The following JAK2 variants were observed in gnomAD, a reference collection of about 807,000 sequenced individuals.
JAK2 encodes the protein Janus kinase 2.
Under a neutral mutation model 139.3 loss-of-function variants are expected in JAK2, and 86 were observed. The observed-to-expected ratio is 0.62, with a 90% confidence interval of 0.52 to 0.74. The LOEUF (loss-of-function observed/expected upper bound fraction) is 0.74. JAK2 is among the 30% of genes least tolerant of loss of function. The probability of loss-of-function intolerance (pLI) is 0.00; values close to 1 mark genes in which losing one functional copy is unlikely to be tolerated. For synonymous variants in JAK2, 490 were observed against 437.7 expected (o/e 1.12, Z -1.49); for missense variants, 1,421 against 1,360.3 (o/e 1.04, Z -0.70).
At position 5,080,364 on chromosome 9, in the gene JAK2, C is replaced by T. The variant is rs1819602213; in HGVS notation, c.2267C>T (p.Ala756Val). 6.2e-7 allele frequency: 1 copy of T among 1,612,286 alleles called. No homozygotes were observed. Among genetic ancestry groups the T allele is most frequent in the Non-Finnish European group, 8.5e-7 (1 of 1,179,084 alleles). ...ICSGGDKPLS[A>V]LDSQRKLQFY... ...AGTGGAGGAGATAAACCTCTAAGTG[C>T]TCTGGATTCTCAAAGAGTAAGTTTA... is the stretch of plus-strand genomic sequence containing the variant. Residue 756 changes from alanine to valine, a missense_variant, in exon 17 of 25, where the codon GCT becomes GTT. By Grantham distance (64) the Ala-to-Val change is moderately conservative. Transcript: ENST00000381652.
At chr9:5,050,325 T>G (rs2130374547) in intron 5 of JAK2, among the ~76,000 whole-genome samples, 1 of 152,320 alleles carries the variant, frequency 6.6e-6, no homozygotes, top group Middle Eastern at 3.4e-3. Context: ...AGACTGGGTC[T>G]TGGTCTGTTA....
chr9:5,016,186 G>C (rs1822047261), intron 2 of JAK2, among the ~76,000 whole-genome samples: 1 of 152,208 alleles, frequency 6.6e-6, no homozygotes, highest in African/African-American at 2.4e-5. Flanking sequence ...GCAAGCTTAG[G>C]AAGATGAGAT....
intron 2 of JAK2, among the ~76,000 whole-genome samples, chr9:5,021,640 T>C (rs1822436214): frequency 6.6e-6 from 1 of 152,192 alleles, no homozygotes; most frequent in Non-Finnish European, 1.5e-5. Flanking sequence ...TATGTATTCA[T>C]TTTTGAGACA....
chr9:5,127,746 T>C lies in JAK2; in HGVS notation c.*955T>C, dbSNP rs1824091782. On this transcript the variant is annotated 3_prime_UTR_variant, in exon 25 of 25. Coordinates refer to ENST00000381652, the MANE Select transcript of JAK2 (RefSeq NM_004972.4). ...AGCTTAAGCCATAAAATAGATTAGA[T>C]TGTTTTTTAAAAATGGATAGCTCAT... is the stretch of plus-strand genomic sequence containing the variant. 2 of 232,534 alleles carry C rather than the reference T, an allele frequency of 8.6e-6. No homozygotes were observed. The highest frequency in any genetic ancestry group is 2.2e-5 in the African/African-American group (1 of 45,286). The allele number at this position is 232,534 out of a possible 1,614,324, so 14.4% of individuals were successfully genotyped here. A position where few individuals can be genotyped will look rare whatever the true frequency, so the allele number is the denominator to read the frequency against.
intron 19 of JAK2, among the ~76,000 whole-genome samples, 189 bp downstream of exon 19, chr9:5,082,050 C>G (rs1469431065): frequency 1.3e-5 from 2 of 152,280 alleles, no homozygotes; most frequent in East Asian, 3.9e-4. Context: ...GGGGGCCAGC[C>G]CCTCCACACC....
chr9:5,113,033 G>C (rs1822771333), intron 22 of JAK2, among the ~76,000 whole-genome samples: 1 of 152,016 alleles, frequency 6.6e-6, no homozygotes, highest in Non-Finnish European at 1.5e-5. Flanking sequence ...ATGGGGGTGA[G>C]GAAGGTGACG....
intron 22 of JAK2, chr9:5,112,483 G>A: frequency 1.8e-6 from 1 of 555,930 alleles, no homozygotes; most frequent in Non-Finnish European, 3.3e-6. Flanking sequence ...GACCAGCCCA[G>A]ACAAGGACGA....
At chr9:5,085,555 A>G (rs984485132) in intron 19 of JAK2, 9 of 695,488 alleles carry the variant, frequency 1.3e-5, no homozygotes, top group African/African-American at 3.5e-5. Flanking sequence ...TAAAATAGAT[A>G]TAACAGCTGT....
Position 5,044,540 on chromosome 9 carries a change from C to T in JAK2, c.468+20C>T, listed in dbSNP as rs201672634. The T allele has an allele frequency of 1.6e-3, 2,106 of 1,353,522 alleles. 1 individual carries two copies. The highest frequency in any genetic ancestry group is 2.0e-3 in the Non-Finnish European group (1,936 of 965,478). 83.8% of individuals were successfully genotyped at this position (1,353,522 alleles called of 1,614,324 possible). On this transcript the variant is annotated intron_variant, in intron 5 of 24. Coordinates refer to ENST00000381652, the MANE Select transcript of JAK2 (RefSeq NM_004972.4). ...GCTCAGGTATGATTATATTATCTTA[C>T]TTGTACATGAGTTAAATGATAAATA...
At chr9:5,045,657 A>C (rs1358585505) in intron 5 of JAK2, among the ~76,000 whole-genome samples, 1 of 152,068 alleles carries the variant, frequency 6.6e-6, no homozygotes, top group African/African-American at 2.4e-5. Flanking sequence ...ATACAAATGG[A>C]GTTATATAGC....
At chr9:5,065,783 A>G (rs1368315038) in intron 9 of JAK2, among the ~76,000 whole-genome samples, 1 of 152,094 alleles carries the variant, frequency 6.6e-6, no homozygotes, top group Non-Finnish European at 1.5e-5. Flanking sequence ...GATTTGAATA[A>G]CTCGAGCAAA....
intron 4 of JAK2, among the ~76,000 whole-genome samples, chr9:5,035,996 C>A (rs985092976): frequency 3.9e-5 from 6 of 152,150 alleles, no homozygotes; most frequent in Non-Finnish European, 8.8e-5. Context: ...CGTCTCAGCC[C>A]AAAATCTCCT....
chr9:5,120,573 C>T (rs1253000127), intron 22 of JAK2, among the ~76,000 whole-genome samples: 1 of 152,114 alleles, frequency 6.6e-6, no homozygotes, highest in Non-Finnish European at 1.5e-5. Context: ...TGTAAAAAAT[C>T]GGTGAAACAG....
intron 22 of JAK2, among the ~76,000 whole-genome samples, chr9:5,095,905 C>T (rs966611463): frequency 6.6e-6 from 1 of 152,190 alleles, no homozygotes; most frequent in African/African-American, 2.4e-5. Context: ...CACTACAACC[C>T]TGTCACTGTC....
chr9:5,054,699 A>C lies in JAK2; in HGVS notation c.751A>C (p.Lys251Gln). ...SQCKATARNL[K>Q]LKYLINLETL... ...ATGCAAAGCCACTGCCAGAAACTTG[A>C]AACTTAAGTATCTTATAAATCTGGA... The change falls in exon 7 of 25, where the codon AAA (lysine) becomes CAA (glutamine). Residue 251 changes from lysine to glutamine, a missense_variant. Coordinates refer to ENST00000381652, the MANE Select transcript of JAK2 (RefSeq NM_004972.4). The surrounding 1 kb of genome is among the most constrained non-coding windows in gnomAD (Gnocchi z 4.9). The C allele has an allele frequency of 6.2e-7, 1 of 1,613,450 alleles. No homozygotes were observed. The highest frequency in any genetic ancestry group is 8.5e-7 in the Non-Finnish European group (1 of 1,179,490).
intron 24 of JAK2, 41 bp downstream of exon 24, chr9:5,126,487 T>C: frequency 7.6e-7 from 1 of 1,316,448 alleles, no homozygotes; most frequent in Non-Finnish European, 1.1e-6. Context: ...ATGCATTTTC[T>C]TTTACTTTTT....
intron 22 of JAK2, chr9:5,111,079 G>A (rs958951789): frequency 2.5e-6 from 3 of 1,219,378 alleles, no homozygotes; most frequent in Admixed American, 4.1e-5. Flanking sequence ...GCCCAGCTCA[G>A]GCTCCTGGGG....
intron 23 of JAK2, 129 bp downstream of exon 23, chr9:5,123,250 T>C: frequency 7.1e-6 from 4 of 566,498 alleles, no homozygotes; most frequent in Non-Finnish European, 9.6e-6. Context: ...TTTTAGGGTA[T>C]CCACCACCTT....
At chr9:5,095,637 T>A (rs1820929250) in intron 22 of JAK2, among the ~76,000 whole-genome samples, 1 of 152,100 alleles carries the variant, frequency 6.6e-6, no homozygotes, top group Admixed American at 6.5e-5. Context: ...AACTAGCCCC[T>A]ATCTCAATTA....
Sources: allele counts gnomAD v4.1 joint callset (sites outside exome capture counted in the v4.1 genomes callset), GRCh38; gene constraint gnomAD v4.1.1; non-coding constraint Gnocchi (gnomAD v3.1); transcripts MANE v1.5; gene names NCBI Gene and HGNC (gene_info 2026-07-23, HGNC 2026-07-21).